NOTCH3: variants seen among roughly 807,000 people sequenced by gnomAD.
NOTCH3 encodes neurogenic locus notch homolog protein 3.
NOTCH3 carries 86 observed loss-of-function variants against 213.3 expected under a neutral mutation model. The ratio of observed to expected loss-of-function variants is 0.40; its 90% confidence interval spans 0.34 to 0.48. NOTCH3 has a LOEUF of 0.48. Among genes scored for constraint, NOTCH3 ranks in the 20% least tolerant of loss-of-function variants. The probability of loss-of-function intolerance (pLI) is 0.57; values close to 1 mark genes in which losing one functional copy is unlikely to be tolerated. For synonymous variants in NOTCH3, 1,354 were observed against 1,355.9 expected, an observed-to-expected ratio of 1.00 and a Z score of 0.03; for missense variants, 2,783 against 3,272.6, an observed-to-expected ratio of 0.85 and a Z score of 3.65.
At chr19:15,170,968 C>A in intron 25 of NOTCH3, 143 bp from the exon 26 acceptor site, 1 of 856,204 alleles carries the variant, frequency 1.2e-6, no homozygotes, top group Non-Finnish European at 1.9e-6. Flanking sequence ...CTGCATCCAC[C>A]TGGCATCCAA....
rs1414982294 is a variant in NOTCH3 at position 15,193,777 on chromosome 19, AAACAAAAAAC to A, written c.198-1268_198-1259del. ...CAGAGGGAGACTCCATCTCAAAAAA[AAACAAAAAAC>A]AAAAAAAACAAACAGGCCAGGCGCA... is the stretch of plus-strand genomic sequence containing the variant. On this transcript the variant is annotated intron_variant, in intron 2 of 32. Coordinates refer to ENST00000263388, the MANE Select transcript of NOTCH3 (RefSeq NM_000435.3). Among the ~76,000 whole-genome samples the A allele has an allele frequency of 3.2e-3, 377 of 116,000 alleles. 31 individuals are homozygous for A. Among genetic ancestry groups the A allele is most frequent in the African/African-American group, 0.011 (349 of 30,750 alleles). 76.1% of individuals were successfully genotyped at this position (116,000 alleles called of 152,430 possible).
At chr19:15,187,494 AC>A (rs1490669911) in intron 10 of NOTCH3, among the ~76,000 whole-genome samples, 156 bp from the exon 11 acceptor site, 1 of 65,384 alleles carries the variant, frequency 1.5e-5, no homozygotes, top group Non-Finnish European at 2.9e-5. Flanking sequence ...CCCCCCACTT[AC>A]TTCCACTCCA....
chr19:15,162,609 G>C, intron 31 of NOTCH3, 47 bp from the exon 32 acceptor site: 5 of 1,503,452 alleles, frequency 3.3e-6, no homozygotes, highest in Non-Finnish European at 4.6e-6. Context: ...CCTGTCCTGG[G>C]GCCCCCATGT....
Position 15,192,313 on chromosome 19 carries a change from A to G in NOTCH3, c.341-15T>C. 6.2e-7 allele frequency: 1 copy of G among 1,610,840 alleles called. No individual in the cohort carries two copies. Among genetic ancestry groups the G allele is most frequent in the Non-Finnish European group, 8.5e-7 (1 of 1,179,166 alleles). Reference sequence around the variant, plus strand: ...GCAGTCAGGGCCTGGAGGGACCAGGACAGGGTGAGTTTAGGACTGACCACA... The same window carrying G: ...GCAGTCAGGGCCTGGAGGGACCAGGGCAGGGTGAGTTTAGGACTGACCACA... On this transcript the variant is annotated splice_polypyrimidine_tract_variant and intron_variant, in intron 3 of 32. Coordinates refer to ENST00000263388, the MANE Select transcript of NOTCH3 (RefSeq NM_000435.3).
At chr19:15,166,473 C>T (rs2046686811) in intron 29 of NOTCH3, among the ~76,000 whole-genome samples, 1 of 150,874 alleles carries the variant, frequency 6.6e-6, no homozygotes. Flanking sequence ...TTAGGAGCTG[C>T]CCCTTTCTGC....
chr19:15,163,747 C>G (rs2046663423), intron 31 of NOTCH3, among the ~76,000 whole-genome samples: 2 of 152,084 alleles, frequency 1.3e-5, no homozygotes, highest in South Asian at 4.1e-4. Context: ...GGGAGGATCA[C>G]TTGAGCCTGG....
At chr19:15,184,177 A>C (rs2046862624) in intron 16 of NOTCH3, 118 bp downstream of exon 16, 2 of 1,100,834 alleles carry the variant, frequency 1.8e-6, no homozygotes, top group African/African-American at 3.1e-5. Context: ...CATATAAATA[A>C]AACGGGAAAA....
At position 15,178,865 on chromosome 19, in the gene NOTCH3, C is replaced by T. The variant is rs1202904881; in HGVS notation, c.3795G>A (p.Pro1265=). ...TGAAGGTCAGCCCACCCCCAGGACC[C>T]GGGCTAGGACGGCACTGGCCTCCAT... ...CQHGGQCRPS[P]GPGGGLTFTC... Residue 1265 remains proline (P), a synonymous_variant, in exon 23 of 33, where the codon CCG becomes CCA. Coordinates refer to ENST00000263388, the MANE Select transcript of NOTCH3 (RefSeq NM_000435.3). 4 of 1,607,190 alleles carry T rather than the reference C, an allele frequency of 2.5e-6. No individual in the cohort carries two copies. The highest frequency in any genetic ancestry group is 2.2e-5 in the East Asian group (1 of 44,632).
chr19:15,179,796 T>C, intron 20 of NOTCH3: 2 of 589,652 alleles, frequency 3.4e-6, no homozygotes, highest in East Asian at 2.8e-5. Flanking sequence ...AGCAGAAGAA[T>C]CACCTGAACC....
At position 15,186,736 on chromosome 19, in the gene NOTCH3, A is replaced by G. The variant is rs73506355; in HGVS notation, c.1951+142T>C. ...ATAATCTCGAAACAACCTTATGCCA[A>G]TGAGACAGCACAGACTCAGGGCAAA... On this transcript the variant is annotated intron_variant, in intron 12 of 32. Coordinates refer to ENST00000263388, the MANE Select transcript of NOTCH3 (RefSeq NM_000435.3). 1,137 of 751,840 alleles carry G rather than the reference A, an allele frequency of 1.5e-3. 5 individuals carry two copies. In the African/African-American group the frequency reaches 0.017, roughly 11 times the overall value. 46.6% of individuals were successfully genotyped at this position (751,840 alleles called of 1,614,324 possible). A position where few individuals can be genotyped will look rare whatever the true frequency, so the allele number is the denominator to read the frequency against.
rs1225834758 is a variant in NOTCH3, at chr19:15,187,971, G to A, written c.1516C>T (p.Leu506=). ...PSGFSGSTCQ[L]DVDECASTPC... ...GTGCTGGCGCATTCGTCCACGTCCA[G>A]CTGACACGTGGAGCCGCTGAAGCCT... Residue 506 remains leucine (L), a synonymous_variant, in exon 10 of 33, where the codon CTG becomes TTG. Coordinates refer to ENST00000263388, the MANE Select transcript of NOTCH3 (RefSeq NM_000435.3). The A allele has an allele frequency of 5.2e-6, 8 of 1,551,016 alleles. 1 individual carries two copies. The East Asian group carries it at 2.0e-4, about 38-fold the overall frequency.
intron 17 of NOTCH3, 73 bp from the exon 18 acceptor site, chr19:15,181,235 G>A (rs2046838979): frequency 3.0e-6 from 4 of 1,350,830 alleles, no homozygotes; most frequent in Non-Finnish European, 4.1e-6. Flanking sequence ...CCTGAGTCCC[G>A]CTGTTAGCGC....
Position 15,160,603 on chromosome 19 carries a change from G to C in NOTCH3, c.*59C>G. On this transcript the variant is annotated 3_prime_UTR_variant, in exon 33 of 33. Coordinates refer to ENST00000263388, the MANE Select transcript of NOTCH3 (RefSeq NM_000435.3). Reference sequence around the variant, plus strand: ...TAAAAGGAAGGAAGAGACAGAGAAAGAAAGGAGGCAGGACGGGGGTCTCTT... The same window carrying C: ...TAAAAGGAAGGAAGAGACAGAGAAACAAAGGAGGCAGGACGGGGGTCTCTT... The C allele has an allele frequency of 7.1e-6, 9 of 1,268,458 alleles. No individual in the cohort carries two copies. Among genetic ancestry groups the C allele is most frequent in the Non-Finnish European group, 2.3e-6 (2 of 864,348 alleles). The allele number at this position is 1,268,458 out of a possible 1,614,324, so 78.6% of individuals were successfully genotyped here.
Position 15,186,872 on chromosome 19 carries a change from G to C in NOTCH3, c.1951+6C>G. 6.2e-7 allele frequency: 1 copy of C among 1,612,478 alleles called. No individual in the cohort carries two copies. ...GGACCCCCTCTCATGGCAGCCACTT[G>C]CCCACCTGTGAAGCCAGGTTGGCAG... On this transcript the variant is annotated splice_donor_region_variant and intron_variant, in intron 12 of 32. Coordinates refer to ENST00000263388, the MANE Select transcript of NOTCH3 (RefSeq NM_000435.3).
rs374265188 is a variant in NOTCH3, at chr19:15,178,883, G to A, written c.3777C>T (p.Gly1259=). 1 of 1,611,868 alleles carries A rather than the reference G, an allele frequency of 6.2e-7. No homozygotes were observed. Among genetic ancestry groups the A allele is most frequent in the East Asian group, 2.2e-5 (1 of 44,820 alleles). ...PCESQPCQHG[G]QCRPSPGPGG... is the part of the protein sequence containing the mutation. ...CAGGACCCGGGCTAGGACGGCACTG[G>A]CCTCCATGCTGGCATGGCTGGGACT... The change falls in exon 23 of 33, where the codon GGC becomes GGT. Residue 1259 remains glycine (G), a synonymous_variant. Transcript: ENST00000263388.
At chr19:15,189,556 T>C (rs2046912148) in intron 6 of NOTCH3, 128 bp from the exon 7 acceptor site, 1 of 1,161,114 alleles carries the variant, frequency 8.6e-7, no homozygotes, top group South Asian at 1.3e-5. Flanking sequence ...TTCGCTCTTG[T>C]TGCCCAAGCT....
At chr19:15,192,820 C>A (rs979738162) in intron 2 of NOTCH3, among the ~76,000 whole-genome samples, 1 of 152,110 alleles carries the variant, frequency 6.6e-6, no homozygotes, top group Admixed American at 6.6e-5. Flanking sequence ...GAGGCTGAGG[C>A]AGGAGAATTG....
At position 15,159,575 on chromosome 19, in the gene NOTCH3, G is replaced by C. The variant is rs2046622871; in HGVS notation, c.*1087C>G. ...GAGCTCAAGTTAGCCCTGGGTGGGG[G>C]AGATAGAAGTCCCACTGCCACCACT... On this transcript the variant is annotated 3_prime_UTR_variant, in exon 33 of 33. Coordinates refer to ENST00000263388, the MANE Select transcript of NOTCH3 (RefSeq NM_000435.3). 4.6e-6 allele frequency: 1 copy of C among 219,598 alleles called. No homozygotes were observed. The highest frequency in any genetic ancestry group is 9.1e-6 in the Non-Finnish European group (1 of 109,504). 13.6% of individuals were successfully genotyped at this position (219,598 alleles called of 1,614,324 possible). A position where few individuals can be genotyped will look rare whatever the true frequency, so the allele number is the denominator to read the frequency against.
At chr19:15,180,627 G>A (rs559902241) in intron 19 of NOTCH3, 54 bp downstream of exon 19, 41 of 1,533,216 alleles carry the variant, frequency 2.7e-5, no homozygotes, top group African/African-American at 6.8e-5. Context: ...CAGGAGGTAC[G>A]TGCATGAGCC....
Sources: allele counts gnomAD v4.1 joint callset (sites outside exome capture counted in the v4.1 genomes callset), GRCh38; gene constraint gnomAD v4.1.1; transcripts MANE v1.5; gene names NCBI Gene and HGNC (gene_info 2026-07-23, HGNC 2026-07-21).